The following PARD3B variants were observed in gnomAD, a reference collection of about 807,000 sequenced individuals.
The protein encoded by PARD3B is partitioning defective 3 homolog B.
A neutral mutation model predicts 130.2 loss-of-function variants in PARD3B; 103 were observed. The ratio of observed to expected loss-of-function variants is 0.79; its 90% CI spans 0.67 to 0.93. The LOEUF is 0.93. Among genes scored for constraint, PARD3B ranks in the 40% least tolerant of loss-of-function variants. The pLI is 0.00. For synonymous variants in PARD3B, 583 were observed against 553.2 expected (o/e 1.05, Z -0.76); for missense variants, 1,609 against 1,499.2 (o/e 1.07, Z -1.21).
chr2:205,391,997 T>C (rs2045876167), intron 18 of PARD3B, among the ~76,000 whole-genome samples: 1 of 152,098 alleles, frequency 6.6e-6, no homozygotes, highest in African/African-American at 2.4e-5. Context: ...ATTCAGAGGC[T>C]CTCTCTTTTG....
At chr2:204,848,212 G>A (rs1361576731) in intron 2 of PARD3B, among the ~76,000 whole-genome samples, 1 of 152,056 alleles carries the variant, frequency 6.6e-6, no homozygotes, top group Non-Finnish European at 1.5e-5. Flanking sequence ...AGTATATATA[G>A]GATTCAGTAC....
chr2:205,252,977 AG>A (rs1463116111), intron 16 of PARD3B, among the ~76,000 whole-genome samples: 1 of 151,768 alleles, frequency 6.6e-6, no homozygotes, highest in Non-Finnish European at 1.5e-5. Context: ...GAAAGCTTTG[AG>A]TATTTTTTTT....
chr2:205,084,975 C>A (rs1701658599), intron 4 of PARD3B, among the ~76,000 whole-genome samples: 1 of 151,952 alleles, frequency 6.6e-6, no homozygotes, highest in Non-Finnish European at 1.5e-5. Flanking sequence ...GAAGATTATA[C>A]CGAAGTTTCT....
chr2:205,588,106 T>G (rs988016271), intron 22 of PARD3B, among the ~76,000 whole-genome samples: 2 of 152,206 alleles, frequency 1.3e-5, no homozygotes, highest in Non-Finnish European at 2.9e-5. Context: ...TTTCCAGACA[T>G]TTCACTGTGA....
rs1331939324 is a variant in PARD3B, at chr2:205,281,040, C to T, written c.2186-19490C>T. ...ACACTGTGAAAGCCTTTTTATTAGTCGAGCTCTGCCATTTTCGATGCTCTG... is the reference window on the plus strand; with the variant it reads ...ACACTGTGAAAGCCTTTTTATTAGTTGAGCTCTGCCATTTTCGATGCTCTG... On this transcript the variant is annotated intron_variant, in intron 16 of 22. Coordinates refer to ENST00000406610, the MANE Select transcript of PARD3B (RefSeq NM_001302769.2). The surrounding 1 kb of genome is among the most constrained non-coding windows in gnomAD (Gnocchi z 4.2). Among the ~76,000 whole-genome samples, 2 of 152,138 alleles carry T rather than the reference C, an allele frequency of 1.3e-5. No homozygotes were observed. The highest frequency in any genetic ancestry group is 6.5e-5 in the Admixed American group (1 of 15,270).
At chr2:205,536,804 A>C (rs190065448) in intron 21 of PARD3B, among the ~76,000 whole-genome samples, 1 of 152,168 alleles carries the variant, frequency 6.6e-6, no homozygotes. Flanking sequence ...TGGATCTGAA[A>C]CATCTCAGGT....
intron 19 of PARD3B, 38 bp downstream of exon 19, chr2:205,401,161 C>A: frequency 6.8e-7 from 1 of 1,475,586 alleles, no homozygotes; most frequent in Non-Finnish European, 9.3e-7. Flanking sequence ...TTCTTTGACT[C>A]TATGGTCTGG....
intron 21 of PARD3B, among the ~76,000 whole-genome samples, chr2:205,506,791 C>A (rs1480549043): frequency 6.6e-6 from 1 of 152,168 alleles, no homozygotes; most frequent in Admixed American, 6.5e-5. Flanking sequence ...ATGAACAATT[C>A]TGGTTTAGGC....
intron 20 of PARD3B, among the ~76,000 whole-genome samples, chr2:205,468,952 A>G (rs920947827): frequency 2.7e-5 from 4 of 149,362 alleles, no homozygotes; most frequent in Admixed American, 2.7e-4. Context: ...CCACAGTACC[A>G]TTTTTCCCCT....
chr2:205,049,077 A>C (rs552422099), intron 4 of PARD3B, among the ~76,000 whole-genome samples: 1 of 152,130 alleles, frequency 6.6e-6, no homozygotes, highest in Non-Finnish European at 1.5e-5. Context: ...TTTAGTTTTC[A>C]TTTTCATGAT....
intron 21 of PARD3B, among the ~76,000 whole-genome samples, chr2:205,542,154 A>T (rs2052173473): frequency 6.8e-6 from 1 of 148,024 alleles, no homozygotes; most frequent in Non-Finnish European, 1.5e-5. Flanking sequence ...CAAAAAAAAA[A>T]AAAAAAAAAA....
intron 1 of PARD3B, among the ~76,000 whole-genome samples, chr2:204,597,435 T>C (rs970130298): frequency 1.3e-5 from 2 of 152,180 alleles, no homozygotes; most frequent in African/African-American, 4.8e-5. Flanking sequence ...GGTAATGTGA[T>C]GGGAACTACA....
At chr2:205,445,892 G>A (rs1323669940) in intron 20 of PARD3B, among the ~76,000 whole-genome samples, 1 of 152,114 alleles carries the variant, frequency 6.6e-6, no homozygotes, top group East Asian at 1.9e-4. Flanking sequence ...AATACTTATT[G>A]AGTATCCACT....
intron 2 of PARD3B, among the ~76,000 whole-genome samples, chr2:204,762,662 C>T (rs572571129): frequency 2.0e-4 from 30 of 151,956 alleles, no homozygotes; most frequent in Middle Eastern, 3.4e-3. Context: ...TGACTTTTTC[C>T]CATTTGTTAT....
At chr2:205,033,952 T>C (rs1697609591) in intron 3 of PARD3B, among the ~76,000 whole-genome samples, 1 of 152,182 alleles carries the variant, frequency 6.6e-6, no homozygotes, top group Non-Finnish European at 1.5e-5. Context: ...TTGGTGTCAC[T>C]TTTATGCTCA....
intron 2 of PARD3B, among the ~76,000 whole-genome samples, chr2:204,950,937 A>T (rs963225109): frequency 3.3e-5 from 5 of 152,188 alleles, no homozygotes; most frequent in African/African-American, 1.2e-4. Flanking sequence ...TCAACTAGCA[A>T]GGTTCCACTG....
At chr2:205,529,851 G>A (rs1038600711) in intron 21 of PARD3B, among the ~76,000 whole-genome samples, 5 of 152,128 alleles carry the variant, frequency 3.3e-5, no homozygotes, top group Admixed American at 3.3e-4. Flanking sequence ...ATACAGTTTT[G>A]AGAAGTATTT....
At chr2:205,542,891 A>C (rs953023080) in intron 21 of PARD3B, among the ~76,000 whole-genome samples, 1 of 152,230 alleles carries the variant, frequency 6.6e-6, no homozygotes, top group Non-Finnish European at 1.5e-5. Flanking sequence ...TGTGTAAACA[A>C]AAGAAATGTG....
intron 3 of PARD3B, among the ~76,000 whole-genome samples, chr2:204,998,490 A>ATGTATATATATGTGTATATAATATG (rs1559342105): frequency 9.0e-6 from 1 of 110,810 alleles, no homozygotes; most frequent in Non-Finnish European, 1.8e-5. Flanking sequence ...TATATAATAT[A>ATGTATATATATGTGTATATAATATG]TGTATATATA....
Sources: gnomAD v4.1 joint callset for allele counts (sites outside exome capture counted in the v4.1 genomes callset) on GRCh38, gnomAD v4.1.1 for gene constraint, Gnocchi (gnomAD v3.1) non-coding constraint, MANE v1.5 for transcripts, NCBI Gene and HGNC (gene_info 2026-07-23, HGNC 2026-07-21) for gene names.